MASTL: variants seen among roughly 807,000 people sequenced by gnomAD.
MASTL encodes the protein serine/threonine-protein kinase greatwall.
MASTL carries 54 observed loss-of-function variants against 82.5 expected under a neutral mutation model. The ratio of observed to expected loss-of-function variants is 0.65; its 90% confidence interval spans 0.53 to 0.82. The LOEUF (loss-of-function observed/expected upper bound fraction) is 0.82, where lower values mean the gene tolerates loss of function less well. Among genes scored for constraint, MASTL ranks in the 40% least tolerant of loss-of-function variants. The probability of loss-of-function intolerance (pLI) is 0.00; values close to 1 mark genes in which losing one functional copy is unlikely to be tolerated. For synonymous variants in MASTL, 323 were observed against 368.9 expected (o/e 0.88, Z 1.43); for missense variants, 950 against 1,047.8 (o/e 0.91, Z 1.29).
intron 11 of MASTL, 54 bp from the exon 12 acceptor site, chr10:27,186,325 C>T: frequency 6.8e-7 from 1 of 1,480,082 alleles, no homozygotes; most frequent in South Asian, 1.1e-5. Flanking sequence ...TCCTGTAAAG[C>T]AGTACTTACT....
chr10:27,172,581 G>GAGGC (rs2057983635), intron 8 of MASTL, among the ~76,000 whole-genome samples: 1 of 152,088 alleles, frequency 6.6e-6, no homozygotes, highest in Admixed American at 6.6e-5. Context: ...TTGAACCTGG[G>GAGGC]AGGCGGAGGT....
rs2058845152 is a variant in MASTL, at chr10:27,187,641, A to G, written c.*1105A>G. ...GTGACGCACACCTGTAGTCCCAGCT[A>G]CTTGGGAGGCTGAGGCATGAGAATC... On this transcript the variant is annotated 3_prime_UTR_variant, in exon 12 of 12. Transcript: ENST00000375940. 6.6e-6 allele frequency among the ~76,000 whole-genome samples: 1 copy of G among 151,864 alleles called. No homozygotes were observed. Among genetic ancestry groups the G allele is most frequent in the African/African-American group, 2.4e-5 (1 of 41,344 alleles).
At chr10:27,162,393 T>A (rs1181468373) in intron 4 of MASTL, among the ~76,000 whole-genome samples, 3 of 152,242 alleles carry the variant, frequency 2.0e-5, no homozygotes, top group Non-Finnish European at 4.4e-5. Flanking sequence ...CCGGGTGCCG[T>A]GGCTCATGCC....
Position 27,165,065 on chromosome 10 carries a change from TA to T in MASTL, c.556del (p.Ile186LeufsTer3). 6.4e-7 allele frequency: 1 copy of T among 1,552,172 alleles called. No homozygotes were observed. Among genetic ancestry groups the T allele is most frequent in the African/African-American group, 1.4e-5 (1 of 73,684 alleles). On this transcript the variant is annotated frameshift_variant and splice_region_variant, in exon 5 of 12. Transcript: ENST00000375940. LOFTEE classifies it high-confidence loss of function. ...ATATACTTTTCTTTGCATACATAGATATTAATATGATGGATATCCTTACAAC... is the reference window on the plus strand; with the variant it reads ...ATATACTTTTCTTTGCATACATAGATTTAATATGATGGATATCCTTACAAC... Reference protein sequence around the residue: ...GLSKVTLNRDINMMDILTTPS... With the variant: ...GLSKVTLNRDXNMMDILTTPS...
At chr10:27,162,504 A>C (rs2057604024) in intron 4 of MASTL, among the ~76,000 whole-genome samples, 1 of 152,152 alleles carries the variant, frequency 6.6e-6, no homozygotes, top group Non-Finnish European at 1.5e-5. Context: ...CCCCATCTCT[A>C]CTAAAAATAC....
chr10:27,160,304 G>A (rs1321350422), intron 3 of MASTL, among the ~76,000 whole-genome samples: 2 of 150,850 alleles, frequency 1.3e-5, no homozygotes, highest in Admixed American at 1.3e-4. Context: ...ATTAAGTATG[G>A]CATTTTATGT....
chr10:27,180,684 G>A (rs533572570), intron 9 of MASTL, among the ~76,000 whole-genome samples: 6 of 152,196 alleles, frequency 3.9e-5, no homozygotes, highest in Admixed American at 1.3e-4. Context: ...AAGCCACCGC[G>A]CCCAGCTCTA....
rs142571616 is a variant in MASTL at position 27,171,825 on chromosome 10, C to T, written c.2124+742C>T. Among the ~76,000 whole-genome samples the T allele has an allele frequency of 0.016, 1,524 of 93,520 alleles. 95 individuals carry two copies. In the East Asian group the frequency reaches 0.17, roughly 10 times the overall value. 61.4% of individuals were successfully genotyped at this position (93,520 alleles called of 152,430 possible). On this transcript the variant is annotated intron_variant, in intron 8 of 11. Transcript: ENST00000375940. ...AGAATAAAAGTTGAAAAATATGTTT[C>T]TTTTTTTTTTTTTTTTTTTTTTGAG...
At position 27,155,941 on chromosome 10, in the gene MASTL, T is replaced by TAAAGTACTTACAACAGGCACTTTA. The variant is rs1159131772; in HGVS notation, c.186+330_186+331insAAGTACTTACAACAGGCACTTTAA. On this transcript the variant is annotated intron_variant, in intron 1 of 11. Coordinates refer to ENST00000375940, the MANE Select transcript of MASTL (RefSeq NM_001172303.3). ...TTGACCGAGGTGATTACATCGGTCT[T>TAAAGTACTTACAACAGGCACTTTA]AGTACAACAGGCACTTAAAGCCAAA... Among the ~76,000 whole-genome samples the TAAAGTACTTACAACAGGCACTTTA allele has an allele frequency of 7.2e-5, 11 of 152,338 alleles. No individual in the cohort carries two copies. In the East Asian group the frequency reaches 2.1e-3, roughly 29 times the overall value.
chr10:27,154,572 G>GT (rs755262244), upstream of MASTL: 46,550 of 313,678 alleles, frequency 0.15, 7 homozygotes, highest in Middle Eastern at 0.22. Context: ...CTTTTTCTTC[G>GT]TTTTTTTTTT....
At chr10:27,171,410 AATTATT>A (rs71386919) in intron 8 of MASTL, among the ~76,000 whole-genome samples, 12,875 of 144,614 alleles carry the variant, frequency 0.089, 722 homozygotes, top group East Asian at 0.28. Context: ...TGAGTTACAA[AATTATT>A]ATTATTATTA....
In MASTL at chr10:27,159,526, C is replaced by T; in HGVS notation, c.325-93C>T. The T allele has an allele frequency of 1.2e-6, 1 of 856,724 alleles. No individual in the cohort carries two copies. The highest frequency in any genetic ancestry group is 2.6e-5 in the East Asian group (1 of 38,446). 53.1% of individuals were successfully genotyped at this position (856,724 alleles called of 1,614,324 possible). ...AGAAAAGGTCGTTTCATTACAGAGC[C>T]ATGCCAAATATTGTAACTGTAATGC... On this transcript the variant is annotated intron_variant, in intron 2 of 11. Transcript: ENST00000375940. The surrounding 1 kb of genome is among the most constrained non-coding windows in gnomAD (Gnocchi z 4.0).
intron 7 of MASTL, among the ~76,000 whole-genome samples, chr10:27,168,542 C>T (rs1030558303): frequency 2.0e-5 from 3 of 152,140 alleles, no homozygotes; most frequent in Admixed American, 6.5e-5. Flanking sequence ...TTAGGCCAGG[C>T]GCGGTGGCTC....
At chr10:27,167,966 A>G (rs561529650) in intron 7 of MASTL, among the ~76,000 whole-genome samples, 2 of 152,362 alleles carry the variant, frequency 1.3e-5, no homozygotes, top group Admixed American at 1.3e-4. Context: ...TTAAACAGTT[A>G]TTAGAGCTAA....
intron 4 of MASTL, among the ~76,000 whole-genome samples, chr10:27,164,715 G>A (rs754359950): frequency 2.0e-5 from 3 of 151,794 alleles, no homozygotes; most frequent in Non-Finnish European, 4.4e-5. Flanking sequence ...TCGGCTCACT[G>A]CAACCTCCGC....
intron 2 of MASTL, 150 bp downstream of exon 2, chr10:27,158,836 G>C: frequency 1.3e-6 from 1 of 792,372 alleles, no homozygotes; most frequent in Non-Finnish European, 2.1e-6. Context: ...ATATTAGTTA[G>C]AGTTCTCCAA....
chr10:27,167,304 C>A lies in MASTL; in HGVS notation c.984+30C>A. The A allele has an allele frequency of 2.6e-6, 4 of 1,561,838 alleles. No homozygotes were observed. In the South Asian group the frequency reaches 3.3e-5, roughly 13 times the overall value. On this transcript the variant is annotated intron_variant, in intron 7 of 11. Transcript: ENST00000375940. ...GAGGGACATTTATCTTAATGAAAATCAATTATGTATGTCAAATGAATGTGA... is the reference window on the plus strand; with the variant it reads ...GAGGGACATTTATCTTAATGAAAATAAATTATGTATGTCAAATGAATGTGA...
At chr10:27,175,623 C>A (rs183471152) in intron 9 of MASTL, among the ~76,000 whole-genome samples, 132 of 152,090 alleles carry the variant, frequency 8.7e-4, no homozygotes, top group African/African-American at 3.1e-3. Flanking sequence ...TCTGCCTTTA[C>A]CCTTTTTGCC....
At chr10:27,184,133 A>G (rs1485174331) in intron 11 of MASTL, among the ~76,000 whole-genome samples, 1 of 152,220 alleles carries the variant, frequency 6.6e-6, no homozygotes, top group Non-Finnish European at 1.5e-5. Flanking sequence ...GTCCTCGTGG[A>G]ACTTACATTC....
Sources: gnomAD v4.1 joint callset for allele counts (sites outside exome capture counted in the v4.1 genomes callset) on GRCh38, gnomAD v4.1.1 for gene constraint, Gnocchi (gnomAD v3.1) non-coding constraint, MANE v1.5 for transcripts, NCBI Gene and HGNC (gene_info 2026-07-23, HGNC 2026-07-21) for gene names.